Variants in PLCH2 observed in about 807,000 individuals in gnomAD.
The protein encoded by PLCH2 is 1-phosphatidylinositol 4,5-bisphosphate phosphodiesterase eta-2.
Under a neutral mutation model 134.7 loss-of-function variants are expected in PLCH2, and 98 were observed. The observed-to-expected ratio is 0.73, with a 90% CI of 0.62 to 0.86. The LOEUF (loss-of-function observed/expected upper bound fraction) is 0.86, where lower values mean the gene tolerates loss of function less well. PLCH2 is among the 40% of genes least tolerant of loss of function. The pLI is 0.00. For missense variants in PLCH2, 1,994 were observed against 1,986.6 expected, an observed-to-expected ratio of 1.00 and a Z score of -0.07; for synonymous variants, 974 against 827.5, an observed-to-expected ratio of 1.18 and a Z score of -3.04.
upstream of PLCH2, among the ~76,000 whole-genome samples, chr1:2,473,042 C>T (rs1641411207): frequency 6.6e-6 from 1 of 152,142 alleles, no homozygotes. Context: ...GCCGCGAGGC[C>T]CATGCTGCCT....
rs768187265 is a variant in PLCH2, at chr1:2,490,109, A to G, written c.1515+242A>G. On this transcript the variant is annotated intron_variant, in intron 10 of 21. Transcript: ENST00000378486. The stretch of plus-strand genomic sequence containing the variant: ...CCACATTTGAGCTGACTCTTGGGGT[A>G]CCATCCACTCCCCCTGCCCTGTCCT... Among the ~76,000 whole-genome samples, 115 of 133,038 alleles carry G rather than the reference A, an allele frequency of 8.6e-4. 2 individuals carry two copies. Among genetic ancestry groups the G allele is most frequent in the Non-Finnish European group, 7.3e-4 (47 of 64,314 alleles). The allele number at this position is 133,038 out of a possible 152,430, so 87.3% of individuals were successfully genotyped here.
intron 2 of PLCH2, among the ~76,000 whole-genome samples, chr1:2,453,603 C>A (rs993497906): frequency 6.6e-6 from 1 of 152,184 alleles, no homozygotes; most frequent in Non-Finnish European, 1.5e-5. Flanking sequence ...CCAGGGCCAC[C>A]CCCCTCTGGC....
intron 2 of PLCH2, among the ~76,000 whole-genome samples, chr1:2,461,863 C>T (rs1640815967): frequency 1.0e-5 from 1 of 98,850 alleles, no homozygotes; most frequent in Non-Finnish European, 2.0e-5. Context: ...GGATGCCAGA[C>T]TCATCCCCCC....
intron 2 of PLCH2, among the ~76,000 whole-genome samples, chr1:2,433,955 C>G (rs952228173): frequency 1.3e-5 from 2 of 150,778 alleles, no homozygotes; most frequent in African/African-American, 4.9e-5. Context: ...GAGTGTCTGC[C>G]TCATGCTCCG....
chr1:2,443,713 G>A (rs1639800442), intron 2 of PLCH2, among the ~76,000 whole-genome samples: 2 of 148,002 alleles, frequency 1.4e-5, no homozygotes, highest in African/African-American at 4.9e-5. Context: ...GGGGCGGGCA[G>A]GGGGTGTGGT....
In PLCH2 at chr1:2,489,840, C is replaced by T. The variant is rs114931988; in HGVS notation, c.1488C>T (p.Asp496=). 8.9e-3 allele frequency: 14,281 copies of T among 1,612,796 alleles called. 92 individuals are homozygous for T. The highest frequency in any genetic ancestry group is 0.038 in the Middle Eastern group (231 of 6,060). ...VSDEDSADEI[D]DDCKLLNGDA... is the part of the protein sequence containing the mutation. ...ATGAGGACAGTGCTGATGAGATTGA[C>T]GATGACTGCAAGCTCCTCAATGGGG... Residue 496 remains aspartate (D), a synonymous_variant, in exon 10 of 22, where the codon GAC becomes GAT. Coordinates refer to ENST00000378486, the MANE Select transcript of PLCH2 (RefSeq NM_014638.4).
At chr1:2,494,777 GACC>G in intron 11 of PLCH2, 76 bp from the exon 12 acceptor site, 1 of 1,055,270 alleles carries the variant, frequency 9.5e-7, no homozygotes, top group Non-Finnish European at 1.4e-6. Flanking sequence ...GGCCTTCTGG[GACC>G]ACCAGGGGCT....
rs898651078 is a variant in PLCH2, at chr1:2,476,548, C to T, written c.-41C>T. The stretch of plus-strand genomic sequence containing the variant: ...CTCCGCTGCCCGAAGGCCGGTGGGC[C>T]TCTGTGGCCTCCGTGAAGCAGGCCC... On this transcript the variant is annotated 5_prime_UTR_variant, in exon 1 of 22. Transcript: ENST00000378486. 2 of 1,456,742 alleles carry T rather than the reference C, an allele frequency of 1.4e-6. No individual in the cohort carries two copies. Among genetic ancestry groups the T allele is most frequent in the East Asian group, 2.5e-5 (1 of 39,902 alleles). 90.2% of individuals were successfully genotyped at this position (1,456,742 alleles called of 1,614,324 possible). A position where few individuals can be genotyped will look rare whatever the true frequency, so the allele number is the denominator to read the frequency against.
At chr1:2,449,261 C>T (rs113734936) in intron 2 of PLCH2, among the ~76,000 whole-genome samples, 4,210 of 151,824 alleles carry the variant, frequency 0.028, 197 homozygotes, top group African/African-American at 0.096. Flanking sequence ...GAGGCTGAGG[C>T]GGGTGGATCA....
chr1:2,421,516 T>C (rs1228330840), upstream of PLCH2, among the ~76,000 whole-genome samples: 1 of 152,250 alleles, frequency 6.6e-6, no homozygotes, highest in Non-Finnish European at 1.5e-5. Context: ...TGATCCACGC[T>C]GTTATCTGGG....
At position 2,459,792 on chromosome 1, in the gene PLCH2, G is replaced by A. The variant is rs140316118; in HGVS notation, c.116-18684G>A. Among the ~76,000 whole-genome samples the A allele has an allele frequency of 3.0e-4, 45 of 152,392 alleles. 1 individual carries two copies. The highest frequency in any genetic ancestry group is 8.4e-4 in the African/African-American group (35 of 41,600). On this transcript the variant is annotated intron_variant, in intron 2 of 3. Transcript: ENST00000609981. Reference sequence around the variant, plus strand: ...GCTTATCTGAATGCAGTGCTGGCGCGTGGGGAATACGCTCCTGAGTAATTC... The same window carrying A: ...GCTTATCTGAATGCAGTGCTGGCGCATGGGGAATACGCTCCTGAGTAATTC...
At chr1:2,440,883 G>A (rs74647349) in intron 2 of PLCH2, among the ~76,000 whole-genome samples, 2 of 152,214 alleles carry the variant, frequency 1.3e-5, no homozygotes, top group Admixed American at 6.5e-5. Context: ...GCTTGGCCAC[G>A]TCCCCCCGGG....
chr1:2,417,694 C>G, the PLCH2 span, among the ~76,000 whole-genome samples: 2 of 152,172 alleles, frequency 1.3e-5, no homozygotes, highest in Non-Finnish European at 2.9e-5. Context: ...CTGGAGGGCA[C>G]CTGGGAGCCA....
chr1:2,491,820 C>T (rs1055569399), intron 11 of PLCH2, among the ~76,000 whole-genome samples: 3 of 152,040 alleles, frequency 2.0e-5, no homozygotes, highest in Non-Finnish European at 4.4e-5. Context: ...GAGTGGGGAG[C>T]GTGGGTGGGC....
At chr1:2,497,144 C>A in intron 15 of PLCH2, 134 bp downstream of exon 15, 1 of 875,652 alleles carries the variant, frequency 1.1e-6, no homozygotes, top group Non-Finnish European at 1.7e-6. Context: ...GGAGCCTCCA[C>A]ACCTCTGTGG....
chr1:2,489,388 C>A lies in PLCH2; in HGVS notation c.1407+10C>A, dbSNP rs779428386. 9 of 1,612,752 alleles carry A rather than the reference C, an allele frequency of 5.6e-6. No homozygotes were observed. The highest frequency in any genetic ancestry group is 2.2e-5 in the East Asian group (1 of 44,880). On this transcript the variant is annotated intron_variant, in intron 9 of 21. Transcript: ENST00000378486. Reference sequence around the variant, plus strand: ...CAAGATCCTCGTGAAGGTGAGTGAGCCCCTGCCCTCCTGGGACCAGCTCAC... The same window carrying A: ...CAAGATCCTCGTGAAGGTGAGTGAGACCCTGCCCTCCTGGGACCAGCTCAC...
At chr1:2,499,931 T>A in intron 20 of PLCH2, 1 of 608,366 alleles carries the variant, frequency 1.6e-6, no homozygotes, top group Non-Finnish European at 3.0e-6. Flanking sequence ...ATCTCAGGGC[T>A]GGCTTTGGGC....
At chr1:2,417,836 A>G in the PLCH2 span, among the ~76,000 whole-genome samples, 2 of 152,174 alleles carry the variant, frequency 1.3e-5, no homozygotes, top group African/African-American at 2.4e-5. Flanking sequence ...TGTGACCTTG[A>G]GCAGCTCCTG....
upstream of PLCH2, among the ~76,000 whole-genome samples, chr1:2,463,245 C>A (rs891304301): frequency 1.3e-5 from 2 of 152,178 alleles, no homozygotes; most frequent in African/African-American, 4.8e-5. Context: ...GGCTGTGAGA[C>A]CCCGGGCAAG....
Sources: allele counts gnomAD v4.1 joint callset (sites outside exome capture counted in the v4.1 genomes callset), GRCh38; gene constraint gnomAD v4.1.1; transcripts MANE v1.5; gene names NCBI Gene and HGNC (gene_info 2026-07-23, HGNC 2026-07-21).